SYT16: variants seen among roughly 807,000 people sequenced by gnomAD.
The protein encoded by SYT16 is synaptotagmin-16.
In SYT16, 42 loss-of-function variants were observed where a neutral mutation model predicts 61.4. That is an observed-to-expected ratio of 0.68 (90% CI 0.53 to 0.89). The LOEUF (loss-of-function observed/expected upper bound fraction) is 0.89. SYT16 is among the 40% of genes least tolerant of loss of function. The pLI is 0.00. For synonymous variants in SYT16, 314 were observed against 302.3 expected (o/e 1.04, Z -0.40); for missense variants, 804 against 807.3 (o/e 1.00, Z 0.05).
intron 3 of SYT16, among the ~76,000 whole-genome samples, chr14:62,007,920 A>T (rs574892152): frequency 3.5e-4 from 53 of 152,076 alleles, no homozygotes; most frequent in Non-Finnish European, 5.3e-4. Context: ...ATTTTTTTTT[A>T]AAAAAGCTCA....
At chr14:61,948,126 C>G (rs1264179604) in intron 1 of SYT16, among the ~76,000 whole-genome samples, 2 of 151,978 alleles carry the variant, frequency 1.3e-5, no homozygotes, top group Admixed American at 1.3e-4. Flanking sequence ...AGAGGAGAGC[C>G]CTAGAAGCTT....
At chr14:61,992,709 G>T (rs935641071) in intron 2 of SYT16, among the ~76,000 whole-genome samples, 5 of 152,024 alleles carry the variant, frequency 3.3e-5, no homozygotes, top group African/African-American at 1.2e-4. Context: ...CCTATAGGGT[G>T]GGGCTTGGAA....
At chr14:61,819,896 G>A (rs1195667465) in intron 1 of SYT16, among the ~76,000 whole-genome samples, 1 of 152,154 alleles carries the variant, frequency 6.6e-6, no homozygotes, top group African/African-American at 2.4e-5. Context: ...TAAAAGAGAT[G>A]GAACAGAGTT....
chr14:61,857,029 G>A (rs1374046557), intron 1 of SYT16, among the ~76,000 whole-genome samples: 1 of 152,186 alleles, frequency 6.6e-6, no homozygotes, highest in Non-Finnish European at 1.5e-5. Context: ...CAGAGATGGT[G>A]GACAAGGTAT....
chr14:61,947,295 T>TGTGTGTGTGTGTGC (rs1401963198), intron 1 of SYT16, among the ~76,000 whole-genome samples: 1 of 151,536 alleles, frequency 6.6e-6, no homozygotes, highest in Non-Finnish European at 1.5e-5. Context: ...TGTGTGTGTG[T>TGTGTGTGTGTGTGC]GTGTGTGTGT....
intron 3 of SYT16, among the ~76,000 whole-genome samples, chr14:62,025,112 G>A (rs2054051377): frequency 2.0e-5 from 3 of 152,102 alleles, no homozygotes; most frequent in Admixed American, 6.6e-5. Context: ...ACAGGTTTTT[G>A]TGTAGACGTG....
chr14:62,077,355 C>A (rs555677703), intron 5 of SYT16, among the ~76,000 whole-genome samples: 1 of 152,220 alleles, frequency 6.6e-6, no homozygotes. Context: ...GGAAACTGGT[C>A]GTGCAGTGTG....
chr14:61,833,519 T>G (rs1040375433), intron 1 of SYT16, among the ~76,000 whole-genome samples: 14 of 151,782 alleles, frequency 9.2e-5, no homozygotes, highest in African/African-American at 2.9e-4. Flanking sequence ...CTCGAACTTC[T>G]GACCTCAGGT....
intron 3 of SYT16, among the ~76,000 whole-genome samples, chr14:62,047,936 CT>C (rs980634665): frequency 6.6e-6 from 1 of 151,902 alleles, no homozygotes; most frequent in Non-Finnish European, 1.5e-5. Flanking sequence ...CTAAAATTCT[CT>C]TTTTTTTGTT....
intron 2 of SYT16, among the ~76,000 whole-genome samples, chr14:61,975,044 T>A (rs2051726987): frequency 6.6e-6 from 1 of 152,254 alleles, no homozygotes; most frequent in African/African-American, 2.4e-5. Context: ...TTATAAAATA[T>A]TTTTCATTTT....
chr14:62,055,823 A>G (rs896554061), intron 3 of SYT16, among the ~76,000 whole-genome samples: 6 of 152,192 alleles, frequency 3.9e-5, no homozygotes, highest in African/African-American at 1.4e-4. Flanking sequence ...ATCACAAGGT[A>G]AAGTTCTGCA....
At chr14:61,962,408 G>A (rs890793144) in intron 1 of SYT16, among the ~76,000 whole-genome samples, 2 of 152,042 alleles carry the variant, frequency 1.3e-5, no homozygotes, top group African/African-American at 2.4e-5. Context: ...TCTCTTGAAT[G>A]TGACATGTGG....
chr14:61,917,745 G>A (rs1445499732), intron 1 of SYT16, among the ~76,000 whole-genome samples: 2 of 152,062 alleles, frequency 1.3e-5, no homozygotes, highest in Non-Finnish European at 2.9e-5. Context: ...AATAAACACA[G>A]CACTATAAAC....
At chr14:61,825,896 T>C (rs1055763566) in intron 1 of SYT16, among the ~76,000 whole-genome samples, 1 of 152,200 alleles carries the variant, frequency 6.6e-6, no homozygotes, top group Non-Finnish European at 1.5e-5. Flanking sequence ...TATAGTGTGG[T>C]GGACCAAATC....
chr14:62,078,599 C>T (rs2056598068), intron 5 of SYT16, among the ~76,000 whole-genome samples: 1 of 152,100 alleles, frequency 6.6e-6, no homozygotes, highest in African/African-American at 2.4e-5. Context: ...GGAAGTAAGG[C>T]AGGGAAGAAG....
At chr14:62,026,922 CT>C (rs1328150908) in intron 3 of SYT16, among the ~76,000 whole-genome samples, 1 of 151,984 alleles carries the variant, frequency 6.6e-6, no homozygotes, top group Admixed American at 6.6e-5. Flanking sequence ...TTTTCAACTA[CT>C]TTTTTGCCTG....
At chr14:61,885,277 A>G (rs979861456) in intron 1 of SYT16, among the ~76,000 whole-genome samples, 2 of 152,090 alleles carry the variant, frequency 1.3e-5, no homozygotes, top group Non-Finnish European at 2.9e-5. Flanking sequence ...TCTTTGCCTC[A>G]GTTTCTTTAT....
At chr14:62,082,030 A>C (rs2056727220) in intron 6 of SYT16, among the ~76,000 whole-genome samples, 1 of 152,212 alleles carries the variant, frequency 6.6e-6, no homozygotes, top group East Asian at 1.9e-4. Context: ...CCAAGTAGGC[A>C]AGGAGACAGA....
At chr14:61,843,020 A>T (rs2046344243) in intron 1 of SYT16, among the ~76,000 whole-genome samples, 1 of 152,196 alleles carries the variant, frequency 6.6e-6, no homozygotes, top group African/African-American at 2.4e-5. Context: ...TGTGGATATT[A>T]TGAACAGTGC....
Sources: allele counts gnomAD v4.1 joint callset (sites outside exome capture counted in the v4.1 genomes callset), GRCh38; gene constraint gnomAD v4.1.1; transcripts MANE v1.5; gene names NCBI Gene and HGNC (gene_info 2026-07-23, HGNC 2026-07-21).